The following TMEM38B variants were observed in gnomAD, a reference collection of about 807,000 sequenced individuals.
TMEM38B encodes trimeric intracellular cation channel type B.
In TMEM38B, 24 loss-of-function variants were observed where a neutral mutation model predicts 28.7. The ratio of observed to expected loss-of-function variants is 0.84; its 90% CI spans 0.61 to 1.18. The LOEUF is 1.18. Ranked by LOEUF, TMEM38B falls within the 50% of genes most tolerant of loss-of-function variation. The pLI, the probability that TMEM38B is intolerant of heterozygous loss-of-function variation, is 0.00. For missense variants in TMEM38B, 380 were observed against 350.9 expected, an observed-to-expected ratio of 1.08 and a Z score of -0.66; for synonymous variants, 131 against 127.7, an observed-to-expected ratio of 1.03 and a Z score of -0.17.
At chr9:105,729,706 C>T (rs548755917) in intron 4 of TMEM38B, among the ~76,000 whole-genome samples, 17 of 152,246 alleles carry the variant, frequency 1.1e-4, no homozygotes, top group Admixed American at 7.2e-4. Context: ...ATTCTTCCTA[C>T]CCATGAGCAA....
chr9:105,770,612 G>A (rs532797210), intron 5 of TMEM38B, among the ~76,000 whole-genome samples: 1 of 151,992 alleles, frequency 6.6e-6, no homozygotes, highest in African/African-American at 2.4e-5. Context: ...AATAATTAGC[G>A]AAGTCTGAGG....
intron 5 of TMEM38B, among the ~76,000 whole-genome samples, chr9:105,752,636 CA>C (rs1200485950): frequency 6.6e-6 from 1 of 152,006 alleles, no homozygotes; most frequent in Non-Finnish European, 1.5e-5. Context: ...ACAACATAAA[CA>C]AAAAAGGCCC....
At chr9:105,715,013 A>G (rs1027676614) in intron 2 of TMEM38B, among the ~76,000 whole-genome samples, 1 of 152,170 alleles carries the variant, frequency 6.6e-6, no homozygotes, top group African/African-American at 2.4e-5. Flanking sequence ...TCCCTGTTAC[A>G]TATATATCTC....
At chr9:105,735,115 A>G (rs1235200692) in intron 4 of TMEM38B, among the ~76,000 whole-genome samples, 1 of 152,150 alleles carries the variant, frequency 6.6e-6, no homozygotes. Context: ...TCTTTCAGTT[A>G]AAACAGACTA....
At chr9:105,723,575 A>G (rs1302144230) in intron 4 of TMEM38B, among the ~76,000 whole-genome samples, 1 of 151,964 alleles carries the variant, frequency 6.6e-6, no homozygotes, top group Non-Finnish European at 1.5e-5. Context: ...AAATTTTTGT[A>G]GAGACAGGGT....
intron 2 of TMEM38B, among the ~76,000 whole-genome samples, chr9:105,713,673 C>A (rs1039343030): frequency 6.6e-6 from 1 of 152,144 alleles, no homozygotes; most frequent in African/African-American, 2.4e-5. Flanking sequence ...GGGGCGGGTT[C>A]CCAGTGAAGC....
chr9:105,696,234 C>G (rs536626824), intron 1 of TMEM38B, among the ~76,000 whole-genome samples: 53 of 152,272 alleles, frequency 3.5e-4, no homozygotes, highest in African/African-American at 1.2e-3. Flanking sequence ...ATTCTTCTCA[C>G]TAAATGTTTT....
chr9:105,723,150 A>G (rs1404353439), intron 4 of TMEM38B, among the ~76,000 whole-genome samples: 1 of 152,200 alleles, frequency 6.6e-6, no homozygotes, highest in Non-Finnish European at 1.5e-5. Flanking sequence ...GATTAGAGAA[A>G]TAACCCATTG....
rs78889716 is a variant in TMEM38B, at chr9:105,768,295, G to A, written c.661-5570G>A. Among the ~76,000 whole-genome samples the A allele has an allele frequency of 6.7e-3, 1,020 of 152,124 alleles. 14 individuals carry two copies. The highest frequency in any genetic ancestry group is 0.014 in the Middle Eastern group (4 of 294). On this transcript the variant is annotated intron_variant, in intron 5 of 5. Coordinates refer to ENST00000374692, the MANE Select transcript of TMEM38B (RefSeq NM_018112.3). ...GTGATAAACCCCATTTAGTCATGAT[G>A]CGGTATCCTTTTTGCATATTACTGA... is the stretch of plus-strand genomic sequence containing the variant.
At chr9:105,734,755 C>T (rs905917508) in intron 4 of TMEM38B, among the ~76,000 whole-genome samples, 3 of 151,848 alleles carry the variant, frequency 2.0e-5, no homozygotes, top group African/African-American at 7.3e-5. Flanking sequence ...CCCACCTCTG[C>T]TCTTTTTTGG....
chr9:105,750,555 A>G (rs1837608987), intron 5 of TMEM38B, among the ~76,000 whole-genome samples: 1 of 152,214 alleles, frequency 6.6e-6, no homozygotes, highest in Non-Finnish European at 1.5e-5. Flanking sequence ...CAGAGGCTGC[A>G]GTGAGATGAG....
chr9:105,701,175 T>C (rs1267121175), intron 1 of TMEM38B: 1 of 152,192 alleles, frequency 6.6e-6, no homozygotes, highest in African/African-American at 2.4e-5. Flanking sequence ...CCTACTGAGT[T>C]CTATTTAAAT....
chr9:105,760,283 G>A, intron 5 of TMEM38B: 1 of 785,672 alleles, frequency 1.3e-6, no homozygotes, highest in Non-Finnish European at 2.3e-6. Flanking sequence ...TGTGTGCTAT[G>A]CTGTGCTGAA....
At chr9:105,758,398 G>A (rs1049873693) in intron 5 of TMEM38B, 13 of 1,331,638 alleles carry the variant, frequency 9.8e-6, no homozygotes, top group Admixed American at 5.0e-5. Flanking sequence ...ACATCTTTTC[G>A]AGCAGGAATG....
intron 5 of TMEM38B, among the ~76,000 whole-genome samples, chr9:105,752,804 T>C (rs577260278): frequency 6.6e-6 from 1 of 152,274 alleles, no homozygotes; most frequent in East Asian, 1.9e-4. Flanking sequence ...GGCATGGAAC[T>C]AGGCTGAGGC....
chr9:105,734,053 TTC>T (rs1257452263), intron 4 of TMEM38B, among the ~76,000 whole-genome samples: 2 of 152,108 alleles, frequency 1.3e-5, no homozygotes, highest in Admixed American at 6.6e-5. Flanking sequence ...TTTGAAATAT[TTC>T]TTTTTTTAAT....
intron 5 of TMEM38B, among the ~76,000 whole-genome samples, chr9:105,763,394 C>G (rs1203591760): frequency 6.6e-6 from 1 of 152,118 alleles, no homozygotes; most frequent in Non-Finnish European, 1.5e-5. Flanking sequence ...GCTTTTAGGT[C>G]TAACGTTTAG....
chr9:105,703,066 T>G (rs1308340628), intron 1 of TMEM38B, among the ~76,000 whole-genome samples: 1 of 152,252 alleles, frequency 6.6e-6, no homozygotes, highest in Non-Finnish European at 1.5e-5. Context: ...TAGGTCTCAA[T>G]GTGACAAATG....
At chr9:105,760,908 A>G (rs1838020627) in intron 5 of TMEM38B, among the ~76,000 whole-genome samples, 1 of 152,196 alleles carries the variant, frequency 6.6e-6, no homozygotes, top group Non-Finnish European at 1.5e-5. Context: ...TATCAATGTG[A>G]GACTCCTAGG....
Sources: gnomAD v4.1 joint callset for allele counts (sites outside exome capture counted in the v4.1 genomes callset) on GRCh38, gnomAD v4.1.1 for gene constraint, MANE v1.5 for transcripts, NCBI Gene and HGNC (gene_info 2026-07-23, HGNC 2026-07-21) for gene names.